IGSF10: variants seen among roughly 807,000 people sequenced by gnomAD.
IGSF10 encodes calvaria mechanical force protein 608.
IGSF10 carries 126 observed loss-of-function variants against 128.2 expected under a neutral mutation model. The observed-to-expected ratio is 0.98, with a 90% CI of 0.85 to 1.14. The LOEUF (loss-of-function observed/expected upper bound fraction) is 1.14, where lower values mean the gene tolerates loss of function less well. Ranked by LOEUF, IGSF10 falls within the 50% of genes most tolerant of loss-of-function variation. IGSF10 has a pLI of 0.00. For missense variants in IGSF10, 3,295 were observed against 3,149.8 expected, an observed-to-expected ratio of 1.05 and a Z score of -1.10; for synonymous variants, 1,185 against 1,146.2, an observed-to-expected ratio of 1.03 and a Z score of -0.68.
the IGSF10 span, among the ~76,000 whole-genome samples, chr3:151,520,517 A>C: frequency 0.015 from 2,283 of 151,974 alleles, 20 homozygotes; most frequent in Middle Eastern, 0.027. Flanking sequence ...ACCCCATGAG[A>C]CTAACAGTAG....
chr3:151,455,463 C>T (rs1158119583), intron 4 of IGSF10, among the ~76,000 whole-genome samples: 2 of 69,798 alleles, frequency 2.9e-5, no homozygotes, highest in Non-Finnish European at 6.1e-5. Context: ...AACTAATACC[C>T]ATTAGCAGTC....
At chr3:151,605,977 T>A in the IGSF10 span, among the ~76,000 whole-genome samples, 2 of 152,196 alleles carry the variant, frequency 1.3e-5, no homozygotes, top group African/African-American at 4.8e-5. Context: ...TTTCTATAAG[T>A]TCCCAGGTGA....
chr3:151,442,928 A>T, intron 7 of IGSF10, 56 bp downstream of exon 7: 1 of 1,477,654 alleles, frequency 6.8e-7, no homozygotes, highest in Non-Finnish European at 9.1e-7. Context: ...CCATTTCAGA[A>T]GTTGTACAGC....
At chr3:151,546,756 A>G in the IGSF10 span, among the ~76,000 whole-genome samples, 6 of 152,064 alleles carry the variant, frequency 3.9e-5, no homozygotes, top group South Asian at 1.2e-3. Context: ...CATTTTTTAA[A>G]TTAATTCTTT....
At chr3:151,493,891 G>A in the IGSF10 span, among the ~76,000 whole-genome samples, 1 of 151,970 alleles carries the variant, frequency 6.6e-6, no homozygotes, top group Non-Finnish European at 1.5e-5. Context: ...CTAGCCCACA[G>A]AAACTGAGAT....
the IGSF10 span, among the ~76,000 whole-genome samples, chr3:151,568,386 TTTCAGAATTTAA>T: frequency 6.6e-6 from 1 of 152,182 alleles, no homozygotes; most frequent in Non-Finnish European, 1.5e-5. Flanking sequence ...ACCTCATTTC[TTTCAGAATTTAA>T]TTATCGGTAT....
At chr3:151,556,125 T>C in the IGSF10 span, among the ~76,000 whole-genome samples, 9 of 152,212 alleles carry the variant, frequency 5.9e-5, no homozygotes, top group African/African-American at 9.6e-5. Flanking sequence ...GTAAGAATTC[T>C]GAGTAAAACT....
At chr3:151,604,755 C>G in the IGSF10 span, among the ~76,000 whole-genome samples, 748 of 152,066 alleles carry the variant, frequency 4.9e-3, 1 homozygote, top group African/African-American at 0.017. Context: ...AAAATATGGA[C>G]AATTCTTGTT....
At chr3:151,505,278 C>A in the IGSF10 span, among the ~76,000 whole-genome samples, 1 of 152,088 alleles carries the variant, frequency 6.6e-6, no homozygotes, top group African/African-American at 2.4e-5. Flanking sequence ...CTTCACATGG[C>A]AGTAGGGAAA....
the IGSF10 span, among the ~76,000 whole-genome samples, chr3:151,569,796 C>A: frequency 6.6e-6 from 1 of 152,100 alleles, no homozygotes; most frequent in Non-Finnish European, 1.5e-5. Context: ...AGGTTTGTTA[C>A]GTATGTATAC....
chr3:151,490,036 G>C, the IGSF10 span, among the ~76,000 whole-genome samples: 1 of 152,002 alleles, frequency 6.6e-6, no homozygotes, highest in Non-Finnish European at 1.5e-5. Flanking sequence ...GCAGTAATAA[G>C]TCTTTACTTA....
chr3:151,451,858 G>A (rs9873499), intron 5 of IGSF10, among the ~76,000 whole-genome samples: 122,674 of 152,230 alleles, frequency 0.81, 49,884 homozygotes, highest in Middle Eastern at 0.96. Context: ...TTCATGAAAT[G>A]AATGCTCATT....
At chr3:151,491,124 GA>G in the IGSF10 span, among the ~76,000 whole-genome samples, 3 of 151,792 alleles carry the variant, frequency 2.0e-5, no homozygotes, top group East Asian at 3.9e-4. Context: ...AAAAGAGAGA[GA>G]AGACAAAAAT....
At chr3:151,528,915 G>T in the IGSF10 span, among the ~76,000 whole-genome samples, 1 of 117,152 alleles carries the variant, frequency 8.5e-6, no homozygotes, top group African/African-American at 3.5e-5. Flanking sequence ...GGCTTGGTGG[G>T]TCCCACCCCC....
the IGSF10 span, among the ~76,000 whole-genome samples, chr3:151,480,910 T>C: frequency 1.3e-5 from 2 of 152,040 alleles, no homozygotes; most frequent in East Asian, 3.9e-4. Flanking sequence ...TCCAGCACAC[T>C]GGAGAAATGT....
the IGSF10 span, among the ~76,000 whole-genome samples, chr3:151,615,318 T>C: frequency 6.6e-6 from 1 of 152,138 alleles, no homozygotes; most frequent in Admixed American, 6.5e-5. Flanking sequence ...TTTTAATTTA[T>C]AATTTTCTTA....
At chr3:151,619,568 G>A in the IGSF10 span, among the ~76,000 whole-genome samples, 2 of 151,598 alleles carry the variant, frequency 1.3e-5, no homozygotes, top group Admixed American at 1.3e-4. Flanking sequence ...ATTTTTTCCA[G>A]TTTTTAATAA....
At chr3:151,466,719 C>T in the IGSF10 span, among the ~76,000 whole-genome samples, 1 of 152,156 alleles carries the variant, frequency 6.6e-6, no homozygotes, top group Non-Finnish European at 1.5e-5. Flanking sequence ...GCTGGGACTA[C>T]AGGCACCTGC....
chr3:151,567,662 C>T, the IGSF10 span, among the ~76,000 whole-genome samples: 37 of 152,272 alleles, frequency 2.4e-4, no homozygotes, highest in South Asian at 7.7e-3. Context: ...GACCCTTCCA[C>T]TCCAGGCCAA....
Sources: allele counts gnomAD v4.1 joint callset (sites outside exome capture counted in the v4.1 genomes callset), GRCh38; gene constraint gnomAD v4.1.1; transcripts MANE v1.5; gene names NCBI Gene and HGNC (gene_info 2026-07-23, HGNC 2026-07-21).